Variants in CEPT1 observed in about 807,000 individuals in gnomAD.
The protein encoded by CEPT1 is choline/ethanolaminephosphotransferase 1.
A neutral mutation model predicts 42.6 loss-of-function variants in CEPT1; 7 were observed. The observed-to-expected ratio is 0.16, with a 90% CI of 0.09 to 0.31. CEPT1 has a LOEUF of 0.31. Ranked by LOEUF, CEPT1 falls within the 10% of genes least tolerant of loss-of-function variation. CEPT1 has a pLI of 1.00. For missense variants in CEPT1, 306 were observed against 502.1 expected (o/e 0.61, Z 3.73); for synonymous variants, 171 against 171.9 (o/e 0.99, Z 0.04).
rs1557945166 is a variant in CEPT1, at chr1:111,184,288, C to T, written c.1229C>T (p.Thr410Ile). 3 of 1,612,292 alleles carry T rather than the reference C, an allele frequency of 1.9e-6. No homozygotes were observed. The highest frequency in any genetic ancestry group is 1.7e-4 in the Middle Eastern group (1 of 6,056). Residue 410 changes from threonine to isoleucine, a missense_variant, in exon 9 of 9, where the codon ACA (threonine) becomes ATA (isoleucine). Transcript: ENST00000357172. ...HIHVFRIKVS[T>I]AHSNHH is the part of the protein sequence containing the mutation. Reference sequence around the variant, plus strand: ...CATGTCTTCAGAATCAAGGTCTCTACAGCTCATTCTAATCATCATTAATGA... The same window carrying T: ...CATGTCTTCAGAATCAAGGTCTCTATAGCTCATTCTAATCATCATTAATGA...
intron 2 of CEPT1, among the ~76,000 whole-genome samples, chr1:111,152,603 C>G (rs1451722484): frequency 6.6e-6 from 1 of 152,044 alleles, no homozygotes; most frequent in African/African-American, 2.4e-5. Context: ...TATATGTAAT[C>G]AAGTCTAAAG....
intron 1 of CEPT1, among the ~76,000 whole-genome samples, chr1:111,144,693 T>G (rs1001064645): frequency 6.6e-6 from 1 of 152,190 alleles, no homozygotes; most frequent in Non-Finnish European, 1.5e-5. Context: ...AGTAAGAGAA[T>G]AGAATACTGC....
Position 111,158,300 on chromosome 1 carries a change from C to T in CEPT1, c.340-1080C>T, listed in dbSNP as rs1336711908. 2.0e-5 allele frequency among the ~76,000 whole-genome samples: 3 copies of T among 152,142 alleles called. No homozygotes were observed. In the South Asian group the frequency reaches 6.2e-4, roughly 32 times the overall value. On this transcript the variant is annotated intron_variant, in intron 2 of 8. Transcript: ENST00000357172. ...CCCAGGAGGCGGAGGTTGCAGTAAG[C>T]CAAGACTGCACCACTGCACTCCCAG...
chr1:111,155,347 T>A (rs1655503479), intron 2 of CEPT1, among the ~76,000 whole-genome samples: 1 of 152,040 alleles, frequency 6.6e-6, no homozygotes, highest in South Asian at 2.1e-4. Context: ...TGTCTGATTT[T>A]ATTTATTTGG....
chr1:111,168,205 GA>G (rs1656234190), intron 4 of CEPT1, among the ~76,000 whole-genome samples: 1 of 151,956 alleles, frequency 6.6e-6, no homozygotes, highest in Admixed American at 6.5e-5. Flanking sequence ...TTGACCTTAT[GA>G]CTTTTAAAAA....
intron 5 of CEPT1, chr1:111,178,271 C>T (rs1237016338): frequency 6.6e-6 from 1 of 152,154 alleles, no homozygotes; most frequent in Non-Finnish European, 1.5e-5. Context: ...ATTTAGAAAG[C>T]AAGTTTATGG....
At chr1:111,169,398 A>C (rs1326859717) in intron 4 of CEPT1, among the ~76,000 whole-genome samples, 1 of 152,224 alleles carries the variant, frequency 6.6e-6, no homozygotes, top group Non-Finnish European at 1.5e-5. Flanking sequence ...AACAGTCAGA[A>C]TATTGACTGT....
chr1:111,139,513 T>C (rs969936135), upstream of CEPT1: 1 of 152,256 alleles, frequency 6.6e-6, no homozygotes, highest in African/African-American at 2.4e-5. Context: ...CAGGAACGTG[T>C]ACTCAACAGG....
intron 2 of CEPT1, among the ~76,000 whole-genome samples, chr1:111,149,178 T>C (rs1023030291): frequency 3.9e-5 from 6 of 152,046 alleles, no homozygotes; most frequent in Non-Finnish European, 8.8e-5. Context: ...ATTTTCCAGG[T>C]TTTCATTTCC....
chr1:111,150,270 A>G (rs1363423273), intron 2 of CEPT1, among the ~76,000 whole-genome samples: 9 of 152,180 alleles, frequency 5.9e-5, no homozygotes, highest in African/African-American at 2.2e-4. Flanking sequence ...CCCTCTTTAA[A>G]TCTTATTTTG....
intron 4 of CEPT1, among the ~76,000 whole-genome samples, chr1:111,165,040 C>A (rs1268349891): frequency 2.1e-5 from 3 of 141,494 alleles, no homozygotes; most frequent in Non-Finnish European, 4.5e-5. Context: ...CATAAAACAT[C>A]GGTCTTTTTT....
chr1:111,184,608 T>C lies in CEPT1; in HGVS notation c.*298T>C, dbSNP rs1274273380. The C allele has an allele frequency of 9.8e-6, 2 of 204,508 alleles. No individual in the cohort carries two copies. The highest frequency in any genetic ancestry group is 2.0e-5 in the Non-Finnish European group (2 of 101,092). The allele number at this position is 204,508 out of a possible 1,614,324, so 12.7% of individuals were successfully genotyped here. ...AATAATACTGTGATGGGGAGCCAGA[T>C]CCGCAGTGGTGGAGAGTTCTAATGT... On this transcript the variant is annotated 3_prime_UTR_variant, in exon 9 of 9. Transcript: ENST00000357172.
Position 111,147,837 on chromosome 1 carries a change from A to G in CEPT1, c.123A>G (p.Pro41=). Residue 41 remains proline, a synonymous_variant, in exon 2 of 9, where the codon CCA becomes CCG. Coordinates refer to ENST00000357172, the MANE Select transcript of CEPT1 (RefSeq NM_006090.5). Reference sequence around the variant, plus strand: ...ATAAATTGTTTCAGTTACCAACACCACCATTGTCAAGACACCAACTAAAGC... The same window carrying G: ...ATAAATTGTTTCAGTTACCAACACCGCCATTGTCAAGACACCAACTAAAGC... The part of the protein sequence containing the change: ...VLNKLFQLPT[P]PLSRHQLKRL... 1.2e-6 allele frequency: 2 copies of G among 1,614,136 alleles called. No homozygotes were observed. Among genetic ancestry groups the G allele is most frequent in the African/African-American group, 1.3e-5 (1 of 75,018 alleles).
chr1:111,158,436 CG>C (rs1557929144), intron 2 of CEPT1, among the ~76,000 whole-genome samples: 7 of 152,216 alleles, frequency 4.6e-5, no homozygotes. Flanking sequence ...TCCTTGAAAA[CG>C]TGACTGTGGA....
At chr1:111,180,721 T>C (rs1452518481) in intron 5 of CEPT1, 1 of 152,240 alleles carries the variant, frequency 6.6e-6, no homozygotes. Flanking sequence ...TTGAGAGTTT[T>C]GAAGAAATAA....
intron 8 of CEPT1, 34 bp from the exon 9 acceptor site, chr1:111,184,157 A>G: frequency 1.2e-6 from 2 of 1,610,642 alleles, no homozygotes; most frequent in Non-Finnish European, 1.7e-6. Flanking sequence ...GGGAGAGCCT[A>G]AACGGGTGCT....
chr1:111,174,744 C>T, intron 4 of CEPT1, 135 bp from the exon 5 acceptor site: 3 of 527,166 alleles, frequency 5.7e-6, no homozygotes, highest in Non-Finnish European at 6.8e-6. Context: ...TTGATGCCTC[C>T]TTTTCCCCTT....
intron 4 of CEPT1, chr1:111,167,964 G>C (rs325887): frequency 0.68 from 162,282 of 237,524 alleles, 56,397 homozygotes; most frequent in African/African-American, 0.82. Context: ...ACAGTCATAG[G>C]TCACTGCAGC....
chr1:111,146,337 T>C (rs1654963570), intron 1 of CEPT1, among the ~76,000 whole-genome samples: 1 of 152,058 alleles, frequency 6.6e-6, no homozygotes. Flanking sequence ...CCTACCCTCA[T>C]CCCTAGTTCC....
Sources: gnomAD v4.1 joint callset for allele counts (sites outside exome capture counted in the v4.1 genomes callset) on GRCh38, gnomAD v4.1.1 for gene constraint, MANE v1.5 for transcripts, NCBI Gene and HGNC (gene_info 2026-07-23, HGNC 2026-07-21) for gene names.